DBF4: variants seen among roughly 807,000 people sequenced by gnomAD.
The protein encoded by DBF4 is protein DBF4 homolog A.
Under a neutral mutation model 76.6 loss-of-function variants are expected in DBF4, and 25 were observed. That is an observed-to-expected ratio of 0.33 (90% CI 0.24 to 0.46). The LOEUF (loss-of-function observed/expected upper bound fraction) is 0.46, where lower values mean the gene tolerates loss of function less well. DBF4 is among the 20% of genes least tolerant of loss of function. The pLI, the probability that DBF4 is intolerant of heterozygous loss-of-function variation, is 1.00. For synonymous variants in DBF4, 213 were observed against 258.0 expected (o/e 0.83, Z 1.67); for missense variants, 638 against 760.8 (o/e 0.84, Z 1.90).
At chr7:87,901,672 A>G (rs1338286638) in intron 10 of DBF4, among the ~76,000 whole-genome samples, 2 of 152,256 alleles carry the variant, frequency 1.3e-5, no homozygotes, top group African/African-American at 2.4e-5. Flanking sequence ...GGGAACTATT[A>G]TAGTTTGTAA....
At chr7:87,885,269 C>CCA in intron 3 of DBF4, 111 bp downstream of exon 3, 2 of 899,796 alleles carry the variant, frequency 2.2e-6, no homozygotes, top group Non-Finnish European at 3.3e-6. Context: ...ATTTGCAAAG[C>CCA]CACATGATGT....
intron 11 of DBF4, 137 bp from the exon 12 acceptor site, chr7:87,907,051 T>G (rs559921540): frequency 1.7e-5 from 16 of 967,918 alleles, no homozygotes; most frequent in Non-Finnish European, 2.3e-5. Context: ...AAGATGTTTG[T>G]ATTTTTGTAA....
chr7:87,896,704 T>C (rs566195180), intron 7 of DBF4, among the ~76,000 whole-genome samples, 194 bp downstream of exon 7: 1 of 152,222 alleles, frequency 6.6e-6, no homozygotes, highest in Non-Finnish European at 1.5e-5. Context: ...TTAAAACGTT[T>C]CCTTTAAAAA....
In DBF4 at chr7:87,884,930, G is replaced by A. The variant is rs566821348; in HGVS notation, c.220-49G>A. On this transcript the variant is annotated intron_variant, in intron 2 of 11. Transcript: ENST00000265728. ...CTAGCCTGGATAACACAGTGAGACCGTGTTTCTTAAAACAAATTTATAAAT... is the reference window on the plus strand; with the variant it reads ...CTAGCCTGGATAACACAGTGAGACCATGTTTCTTAAAACAAATTTATAAAT... The A allele has an allele frequency of 4.6e-5, 65 of 1,408,080 alleles. 1 individual carries two copies. Among genetic ancestry groups the A allele is most frequent in the Middle Eastern group, 4.9e-4 (2 of 4,086 alleles). The allele number at this position is 1,408,080 out of a possible 1,614,324, so 87.2% of individuals were successfully genotyped here.
chr7:87,888,183 T>G, intron 6 of DBF4, 124 bp downstream of exon 6: 1 of 1,291,848 alleles, frequency 7.7e-7, no homozygotes. Flanking sequence ...TGCCTGTTTC[T>G]GTTATTCAAA....
chr7:87,908,197 A>G lies in DBF4; in HGVS notation c.*34A>G, dbSNP rs1416484558. 6.9e-7 allele frequency: 1 copy of G among 1,448,860 alleles called. No individual in the cohort carries two copies. Among genetic ancestry groups the G allele is most frequent in the Non-Finnish European group, 9.1e-7 (1 of 1,099,428 alleles). 89.8% of individuals were successfully genotyped at this position (1,448,860 alleles called of 1,614,324 possible). On this transcript the variant is annotated 3_prime_UTR_variant, in exon 12 of 12. Transcript: ENST00000265728. ...AAATGCATACTTTTCAGAAGTGATA[A>G]GGATCATATTCTTGAAATTTTTATA...
chr7:87,877,654 G>C (rs547026718), intron 1 of DBF4, among the ~76,000 whole-genome samples: 1 of 152,244 alleles, frequency 6.6e-6, no homozygotes, highest in South Asian at 2.1e-4. Context: ...GCGTAACAGA[G>C]GATTCTTTCA....
intron 6 of DBF4, 115 bp downstream of exon 6, chr7:87,888,174 G>A (rs1839407455): frequency 1.5e-6 from 2 of 1,306,734 alleles, no homozygotes; most frequent in East Asian, 2.9e-5. Flanking sequence ...TGTATGATGT[G>A]CCTGTTTCTG....
chr7:87,885,397 G>A (rs1230001248), intron 3 of DBF4, among the ~76,000 whole-genome samples: 1 of 152,168 alleles, frequency 6.6e-6, no homozygotes, highest in African/African-American at 2.4e-5. Context: ...GGGATGGCGT[G>A]TAGTTTTTAG....
rs1562758149 is a variant in DBF4 at position 87,885,136 on chromosome 7, G to C, written c.377G>C (p.Ser126Thr). ...TCACCTCATCCCAGCCATGATGGAA[G>C]TTCATTTAAGTCACCAGACACAGTA... ...TTSPHPSHDG[S>T]SFKSPDTVCL... The change falls in exon 3 of 12, where the codon AGT (serine) becomes ACT (threonine). Residue 126 changes from serine (S) to threonine (T), a missense_variant. Transcript: ENST00000265728. The C allele has an allele frequency of 6.2e-7, 1 of 1,609,718 alleles. No individual in the cohort carries two copies. The highest frequency in any genetic ancestry group is 1.7e-5 in the Admixed American group (1 of 59,460).
intron 11 of DBF4, among the ~76,000 whole-genome samples, chr7:87,905,426 A>G (rs6947312): frequency 6.6e-6 from 1 of 152,066 alleles, no homozygotes; most frequent in East Asian, 1.9e-4. Context: ...TTTTAAGAAA[A>G]CTTCCTCCAC....
intron 2 of DBF4, 37 bp downstream of exon 2, chr7:87,878,262 T>C: frequency 6.6e-7 from 1 of 1,508,822 alleles, no homozygotes; most frequent in Non-Finnish European, 9.0e-7. Flanking sequence ...GAAGGAAAAA[T>C]TTGTAACTAG....
intron 1 of DBF4, among the ~76,000 whole-genome samples, chr7:87,877,132 A>G (rs1289822651): frequency 6.6e-6 from 1 of 152,234 alleles, no homozygotes; most frequent in Non-Finnish European, 1.5e-5. Context: ...CTTGGAGGCG[A>G]CGGACTGCAT....
intron 2 of DBF4, among the ~76,000 whole-genome samples, chr7:87,880,506 ATAAT>A (rs1684130062): frequency 6.6e-6 from 1 of 152,228 alleles, no homozygotes; most frequent in African/African-American, 2.4e-5. Flanking sequence ...TATCTTTTCT[ATAAT>A]TAATGATATT....
At chr7:87,876,832 G>A in intron 1 of DBF4, 54 bp downstream of exon 1, 1 of 1,592,414 alleles carries the variant, frequency 6.3e-7, no homozygotes, top group Non-Finnish European at 8.6e-7. Context: ...TCCCCTCGTG[G>A]TTCCACCATT....
intron 7 of DBF4, 55 bp from the exon 8 acceptor site, chr7:87,897,239 A>G: frequency 6.5e-7 from 1 of 1,544,548 alleles, no homozygotes; most frequent in Non-Finnish European, 8.8e-7. Context: ...TTTTATTAAA[A>G]AAAAAAAAGA....
At chr7:87,884,506 C>T (rs1839295200) in intron 2 of DBF4, among the ~76,000 whole-genome samples, 2 of 152,182 alleles carry the variant, frequency 1.3e-5, no homozygotes, top group Admixed American at 6.5e-5. Flanking sequence ...TACTGGGTAA[C>T]ATTAAGCAAG....
rs1401934597 is a variant in DBF4, at chr7:87,900,043, T to C, written c.681-178T>C. ...AAATTTTATGTGTATTTTACCACAA[T>C]TTAAAAAATGTTTAAATGTTAAAAA... On this transcript the variant is annotated intron_variant, in intron 8 of 11. Transcript: ENST00000265728. 3.3e-5 allele frequency among the ~76,000 whole-genome samples: 5 copies of C among 152,126 alleles called. No individual in the cohort carries two copies. The South Asian group carries it at 6.2e-4, about 19-fold the overall frequency.
At chr7:87,889,183 C>G (rs751331234) in intron 6 of DBF4, among the ~76,000 whole-genome samples, 3 of 151,868 alleles carry the variant, frequency 2.0e-5, no homozygotes, top group Non-Finnish European at 4.4e-5. Context: ...ATAGAGTAAC[C>G]TGATTGGATA....
Sources: gnomAD v4.1 joint callset for allele counts (sites outside exome capture counted in the v4.1 genomes callset) on GRCh38, gnomAD v4.1.1 for gene constraint, MANE v1.5 for transcripts, NCBI Gene and HGNC (gene_info 2026-07-23, HGNC 2026-07-21) for gene names.